Variants in KCND3 observed in about 807,000 individuals in gnomAD.
The protein encoded by KCND3 is A-type voltage-gated potassium channel KCND3.
In KCND3, 9 loss-of-function variants were observed where a neutral mutation model predicts 51.1. The observed-to-expected ratio is 0.18, with a 90% CI of 0.11 to 0.31. The LOEUF (loss-of-function observed/expected upper bound fraction) is 0.31, where lower values mean the gene tolerates loss of function less well. KCND3 is among the 10% of genes least tolerant of loss of function. The pLI is 1.00. For missense variants in KCND3, 526 were observed against 903.8 expected, an observed-to-expected ratio of 0.58 and a Z score of 5.36; for synonymous variants, 349 against 368.0, an observed-to-expected ratio of 0.95 and a Z score of 0.59.
chr1:111,958,436 G>C (rs1479167765), intron 2 of KCND3, among the ~76,000 whole-genome samples: 3 of 152,204 alleles, frequency 2.0e-5, no homozygotes, highest in Non-Finnish European at 4.4e-5. Flanking sequence ...GACAAACAAA[G>C]CAGAATGGAG....
chr1:111,819,882 C>T (rs551911536), intron 2 of KCND3, among the ~76,000 whole-genome samples: 3 of 152,300 alleles, frequency 2.0e-5, no homozygotes, highest in African/African-American at 7.2e-5. Context: ...CTTTCCACCA[C>T]CCACCTTCCG....
chr1:111,807,269 G>T (rs749090802), intron 2 of KCND3, among the ~76,000 whole-genome samples: 1 of 152,202 alleles, frequency 6.6e-6, no homozygotes, highest in Admixed American at 6.5e-5. Context: ...CATATATGAT[G>T]GCAGTCCTAT....
At chr1:111,954,303 G>A (rs1233883677) in intron 2 of KCND3, among the ~76,000 whole-genome samples, 4 of 152,182 alleles carry the variant, frequency 2.6e-5, no homozygotes, top group Non-Finnish European at 5.9e-5. Flanking sequence ...GGAAAGGGAC[G>A]AGGAGCTAAC....
chr1:111,894,041 G>A (rs1295714838), intron 2 of KCND3, among the ~76,000 whole-genome samples: 1 of 152,162 alleles, frequency 6.6e-6, no homozygotes, highest in Non-Finnish European at 1.5e-5. Context: ...AGCTTTTAAA[G>A]CATGAACAAG....
intron 2 of KCND3, among the ~76,000 whole-genome samples, chr1:111,945,018 T>G (rs1672711222): frequency 6.6e-6 from 1 of 152,050 alleles, no homozygotes; most frequent in African/African-American, 2.4e-5. Flanking sequence ...CAACACATAG[T>G]AGGTCCTCAA....
intron 2 of KCND3, among the ~76,000 whole-genome samples, chr1:111,856,360 T>C (rs1204684831): frequency 6.6e-6 from 1 of 152,212 alleles, no homozygotes; most frequent in Admixed American, 6.5e-5. Flanking sequence ...TATAGCAGCA[T>C]TGCTAATTCC....
intron 2 of KCND3, among the ~76,000 whole-genome samples, chr1:111,902,316 A>T (rs946046382): frequency 2.0e-5 from 3 of 152,186 alleles, no homozygotes; most frequent in Non-Finnish European, 4.4e-5. Flanking sequence ...ACTTAACAAC[A>T]CACCTACATC....
intron 2 of KCND3, among the ~76,000 whole-genome samples, chr1:111,927,236 A>C (rs1460882732): frequency 6.6e-6 from 1 of 152,178 alleles, no homozygotes; most frequent in African/African-American, 2.4e-5. Context: ...AGTGGGGGCT[A>C]TGGGGTGCCC....
At chr1:111,950,943 G>A (rs545016326) in intron 2 of KCND3, among the ~76,000 whole-genome samples, 2 of 152,258 alleles carry the variant, frequency 1.3e-5, no homozygotes, top group South Asian at 4.1e-4. Flanking sequence ...GGCCAAGTTG[G>A]TGGGATCACC....
At chr1:111,937,481 A>G (rs1441383338) in intron 2 of KCND3, among the ~76,000 whole-genome samples, 1 of 152,216 alleles carries the variant, frequency 6.6e-6, no homozygotes, top group Non-Finnish European at 1.5e-5. Context: ...TGGTTGTAGC[A>G]GAGGACGAAA....
At chr1:111,972,393 C>T (rs973686079) in intron 2 of KCND3, among the ~76,000 whole-genome samples, 2 of 151,882 alleles carry the variant, frequency 1.3e-5, no homozygotes, top group Non-Finnish European at 2.9e-5. Flanking sequence ...GGGATGGTCT[C>T]GATCTCCTGA....
At chr1:111,969,635 G>A (rs1214479748) in intron 2 of KCND3, among the ~76,000 whole-genome samples, 8 of 152,196 alleles carry the variant, frequency 5.3e-5, no homozygotes. Context: ...AGACTCAATA[G>A]TATTAGCTGT....
intron 2 of KCND3, among the ~76,000 whole-genome samples, chr1:111,954,250 T>C (rs1256768726): frequency 6.6e-6 from 1 of 152,206 alleles, no homozygotes; most frequent in Non-Finnish European, 1.5e-5. Context: ...TGTCCAGTTT[T>C]TGTGAGCCAT....
intron 2 of KCND3, among the ~76,000 whole-genome samples, chr1:111,905,931 T>A (rs1670631905): frequency 6.6e-6 from 1 of 152,190 alleles, no homozygotes. Context: ...ATTTTACAGA[T>A]GAGGACCCTG....
At chr1:111,781,483 T>C (rs1265000254) in intron 3 of KCND3, among the ~76,000 whole-genome samples, 3 of 152,322 alleles carry the variant, frequency 2.0e-5, no homozygotes, top group South Asian at 2.1e-4. Flanking sequence ...ACATTTACAA[T>C]TGTATATCTG....
At chr1:111,889,862 T>C (rs1669748611) in intron 2 of KCND3, among the ~76,000 whole-genome samples, 1 of 152,122 alleles carries the variant, frequency 6.6e-6, no homozygotes, top group Non-Finnish European at 1.5e-5. Flanking sequence ...GGTAGCTTCC[T>C]TCAGGGGTGA....
chr1:111,781,376 C>G lies in KCND3; in HGVS notation c.1270-585G>C, dbSNP rs908168840. The stretch of plus-strand genomic sequence containing the variant: ...TTCTTGATACTTTCTCTTTCTCTTC[C>G]ACTAAAATGTAAATTCCTTGAGGGC... On this transcript the variant is annotated intron_variant, in intron 3 of 7. Transcript: ENST00000302127. 3.9e-5 allele frequency among the ~76,000 whole-genome samples: 6 copies of G among 152,104 alleles called. No homozygotes were observed. In the South Asian group the frequency reaches 1.2e-3, roughly 32 times the overall value.
intron 2 of KCND3, among the ~76,000 whole-genome samples, chr1:111,819,479 A>G (rs1403714471): frequency 6.6e-6 from 1 of 152,160 alleles, no homozygotes; most frequent in Non-Finnish European, 1.5e-5. Context: ...AAATATTCAC[A>G]GAATTCTAAA....
chr1:111,956,809 G>C (rs2101919729), intron 2 of KCND3, among the ~76,000 whole-genome samples: 1 of 152,226 alleles, frequency 6.6e-6, no homozygotes, highest in South Asian at 2.1e-4. Context: ...TGCAAATGAG[G>C]ACAGTAGCCC....
Sources: gnomAD v4.1 joint callset for allele counts (sites outside exome capture counted in the v4.1 genomes callset) on GRCh38, gnomAD v4.1.1 for gene constraint, MANE v1.5 for transcripts, NCBI Gene and HGNC (gene_info 2026-07-23, HGNC 2026-07-21) for gene names.